Variants in SIDT1 observed in about 807,000 individuals in gnomAD.
SIDT1 encodes SID1 transmembrane family, member 1.
In SIDT1, 101 loss-of-function variants were observed where a neutral mutation model predicts 107.5. The observed-to-expected ratio is 0.94, with a 90% CI of 0.80 to 1.11. The LOEUF (loss-of-function observed/expected upper bound fraction) is 1.11, where lower values mean the gene tolerates loss of function less well. Among genes scored for constraint, SIDT1 ranks in the 50% least tolerant of loss-of-function variants. The probability of loss-of-function intolerance (pLI) is 0.00; values close to 1 mark genes in which losing one functional copy is unlikely to be tolerated. For missense variants in SIDT1, 1,076 were observed against 1,058.2 expected, an observed-to-expected ratio of 1.02 and a Z score of -0.23; for synonymous variants, 395 against 398.2, an observed-to-expected ratio of 0.99 and a Z score of 0.10.
At chr3:113,627,612 C>T in intron 24 of SIDT1, 34 bp from the exon 25 acceptor site, 1 of 1,601,358 alleles carries the variant, frequency 6.2e-7, no homozygotes, top group Non-Finnish European at 8.6e-7. Flanking sequence ...AGTGACTGTC[C>T]ATTCCTTTCA....
chr3:113,536,444 A>G (rs1264712142), intron 1 of SIDT1, among the ~76,000 whole-genome samples: 1 of 149,522 alleles, frequency 6.7e-6, no homozygotes, highest in African/African-American at 2.5e-5. Context: ...GGTTTAGGGA[A>G]AAAAATGGCT....
chr3:113,584,455 G>A (rs184689455), intron 7 of SIDT1, among the ~76,000 whole-genome samples: 30 of 152,282 alleles, frequency 2.0e-4, no homozygotes, highest in African/African-American at 7.2e-4. Context: ...ATCTGTTAGT[G>A]GTACCAAAAT....
chr3:113,548,986 G>A (rs1011244688), intron 1 of SIDT1, among the ~76,000 whole-genome samples: 6 of 152,172 alleles, frequency 3.9e-5, no homozygotes, highest in African/African-American at 1.4e-4. Context: ...GAAGGCAGAA[G>A]TTGAAATCAT....
At position 113,627,761 on chromosome 3, in the gene SIDT1, A is replaced by T; in HGVS notation, c.*53A>T. ...GCGATCAATCTTGGTGCTGTTTCAC[A>T]AAAATTACAGTGACCACAGCAAAGT... On this transcript the variant is annotated 3_prime_UTR_variant, in exon 25 of 25. Transcript: ENST00000264852. 6.4e-7 allele frequency: 1 copy of T among 1,560,296 alleles called. No individual in the cohort carries two copies. Among genetic ancestry groups the T allele is most frequent in the African/African-American group, 1.4e-5 (1 of 74,010 alleles).
chr3:113,571,185 G>T (rs890777929), intron 3 of SIDT1, among the ~76,000 whole-genome samples: 1 of 152,206 alleles, frequency 6.6e-6, no homozygotes, highest in Admixed American at 6.5e-5. Flanking sequence ...TACTCAGGAG[G>T]CTGAGGCAGG....
intron 19 of SIDT1, among the ~76,000 whole-genome samples, chr3:113,613,728 T>C (rs1254737286): frequency 6.6e-6 from 1 of 152,208 alleles, no homozygotes; most frequent in Non-Finnish European, 1.5e-5. Context: ...TCTTCCAGAG[T>C]TGGAAAAATA....
intron 1 of SIDT1, among the ~76,000 whole-genome samples, chr3:113,552,561 T>C (rs1385061276): frequency 1.3e-5 from 2 of 152,162 alleles, no homozygotes; most frequent in Non-Finnish European, 2.9e-5. Context: ...CAGACAACAT[T>C]TCGGGACCAA....
At chr3:113,557,504 A>G (rs1941006031) in intron 1 of SIDT1, among the ~76,000 whole-genome samples, 1 of 152,214 alleles carries the variant, frequency 6.6e-6, no homozygotes, top group Admixed American at 6.5e-5. Flanking sequence ...CACAGAGAAT[A>G]GCATGTGAAG....
intron 23 of SIDT1, among the ~76,000 whole-genome samples, chr3:113,624,611 C>A (rs1946714054): frequency 1.3e-5 from 2 of 152,092 alleles, no homozygotes; most frequent in Non-Finnish European, 2.9e-5. Flanking sequence ...ATAAAATTTA[C>A]CATCGTTACC....
chr3:113,558,488 A>T (rs1404429705), intron 1 of SIDT1, among the ~76,000 whole-genome samples: 2 of 152,222 alleles, frequency 1.3e-5, no homozygotes, highest in Admixed American at 6.5e-5. Flanking sequence ...CATTTCAAGG[A>T]TATTTGCATA....
chr3:113,611,185 C>A (rs773023268), intron 18 of SIDT1, 41 bp downstream of exon 18: 1 of 1,603,782 alleles, frequency 6.2e-7, no homozygotes, highest in South Asian at 1.1e-5. Context: ...TCGAAAAGTG[C>A]CCCCCTAGGT....
chr3:113,600,478 G>A (rs941477053), intron 10 of SIDT1, among the ~76,000 whole-genome samples: 1 of 151,796 alleles, frequency 6.6e-6, no homozygotes, highest in African/African-American at 2.4e-5. Context: ...ACCTCCTAGG[G>A]TTGTTGAAAA....
At chr3:113,623,754 T>C (rs759441388) in intron 23 of SIDT1, 21 bp downstream of exon 23, 17 of 1,543,632 alleles carry the variant, frequency 1.1e-5, no homozygotes, top group African/African-American at 1.4e-5. Flanking sequence ...AGTTTTCTTA[T>C]CCAAAAACAA....
intron 15 of SIDT1, among the ~76,000 whole-genome samples, chr3:113,607,571 A>C (rs1945426178): frequency 6.6e-6 from 1 of 152,238 alleles, no homozygotes; most frequent in African/African-American, 2.4e-5. Flanking sequence ...TAGCCACCAG[A>C]ACTTGGTGAC....
Position 113,532,854 on chromosome 3 carries a change from G to T in SIDT1, c.-168G>T. ...CAGGCGGCAGCATCAGTATTTGATC[G>T]GCCCTTCGTCAGCACGCTGCCAGCC... On this transcript the variant is annotated 5_prime_UTR_variant, in exon 1 of 25. Transcript: ENST00000264852. 1 of 435,390 alleles carries T rather than the reference G, an allele frequency of 2.3e-6. No individual in the cohort carries two copies. The highest frequency in any genetic ancestry group is 3.7e-5 in the East Asian group (1 of 26,952). The allele number at this position is 435,390 out of a possible 1,614,324, so 27.0% of individuals were successfully genotyped here. A position where few individuals can be genotyped will look rare whatever the true frequency, so the allele number is the denominator to read the frequency against.
chr3:113,626,598 C>T (rs1012516080), intron 24 of SIDT1, among the ~76,000 whole-genome samples: 18 of 152,302 alleles, frequency 1.2e-4, no homozygotes, highest in Non-Finnish European at 2.2e-4. Context: ...TCCTCCTCCT[C>T]CTCCAGTCTC....
chr3:113,551,858 G>A (rs1049056655), intron 1 of SIDT1, among the ~76,000 whole-genome samples: 2 of 151,628 alleles, frequency 1.3e-5, no homozygotes, highest in African/African-American at 4.9e-5. Flanking sequence ...TGTGTGTAGT[G>A]TGTGTGTTTT....
intron 1 of SIDT1, 98 bp downstream of exon 1, chr3:113,533,341 T>C (rs570214031): frequency 3.1e-6 from 3 of 958,958 alleles, no homozygotes; most frequent in African/African-American, 3.5e-5. Flanking sequence ...CTTGGGAGAC[T>C]TCGGGGACCA....
the SIDT1 span, among the ~76,000 whole-genome samples, chr3:113,636,616 C>A: frequency 6.6e-6 from 1 of 152,066 alleles, no homozygotes; most frequent in African/African-American, 2.4e-5. Context: ...CACCACCAAC[C>A]AGACCCACAC....
Sources: allele counts gnomAD v4.1 joint callset (sites outside exome capture counted in the v4.1 genomes callset), GRCh38; gene constraint gnomAD v4.1.1; transcripts MANE v1.5; gene names NCBI Gene and HGNC (gene_info 2026-07-23, HGNC 2026-07-21).